The following PHF14 variants were observed in gnomAD, a reference collection of about 807,000 sequenced individuals.
PHF14 encodes the protein PHD finger protein 14.
In PHF14, 55 loss-of-function variants were observed where a neutral mutation model predicts 117.9. The ratio of observed to expected loss-of-function variants is 0.47; its 90% CI spans 0.38 to 0.58. The LOEUF is 0.58. Among genes scored for constraint, PHF14 ranks in the 20% least tolerant of loss-of-function variants. PHF14 has a pLI of 0.00. For missense variants in PHF14, 978 were observed against 1,122.2 expected (o/e 0.87, Z 1.84); for synonymous variants, 409 against 368.6 (o/e 1.11, Z -1.26).
At chr7:11,121,891 G>A (rs938389660) in intron 17 of PHF14, among the ~76,000 whole-genome samples, 40 of 151,668 alleles carry the variant, frequency 2.6e-4, no homozygotes, top group African/African-American at 9.5e-4. Context: ...TACGTGTCCA[G>A]AACGTACAGG....
At chr7:11,052,349 A>G (rs554954721) in intron 14 of PHF14, among the ~76,000 whole-genome samples, 3 of 152,178 alleles carry the variant, frequency 2.0e-5, no homozygotes, top group African/African-American at 7.2e-5. Context: ...ATAGTTTTCT[A>G]TGGAAAGAAT....
intron 4 of PHF14, among the ~76,000 whole-genome samples, chr7:11,012,087 C>G (rs144188552): frequency 7.3e-4 from 111 of 152,292 alleles, no homozygotes; most frequent in Middle Eastern, 3.4e-3. Flanking sequence ...CCGGCAGCCT[C>G]ATCAATGCTG....
At chr7:10,978,016 C>T (rs759611857) in intron 2 of PHF14, among the ~76,000 whole-genome samples, 17 of 152,204 alleles carry the variant, frequency 1.1e-4, no homozygotes, top group Admixed American at 2.0e-4. Context: ...TAGCCATGCT[C>T]TCTACCCCTA....
chr7:11,062,032 A>G lies in PHF14; in HGVS notation c.2601A>G (p.Leu867=), dbSNP rs1252673020. Residue 867 remains leucine, a synonymous_variant, in exon 16 of 18, where the codon TTA becomes TTG. Coordinates refer to ENST00000634607, the MANE Select transcript of PHF14 (RefSeq NM_001007157.2). ...VLQKKPKAED[L]RTECATCKGT... ...AAAAGAAGCCCAAGGCTGAAGATTT[A>G]AGAACTGAATGTGCAACTTGCAAGG... is the stretch of plus-strand genomic sequence containing the variant. The G allele has an allele frequency of 6.2e-7, 1 of 1,607,452 alleles. No homozygotes were observed.
chr7:11,051,818 T>C (rs1583414368), intron 14 of PHF14, 38 bp downstream of exon 14: 1 of 1,561,990 alleles, frequency 6.4e-7, no homozygotes, highest in South Asian at 1.2e-5. Flanking sequence ...ATCATACAAT[T>C]CTGAGGCCAA....
intron 16 of PHF14, among the ~76,000 whole-genome samples, chr7:11,077,931 C>T (rs1193374835): frequency 1.3e-5 from 2 of 152,180 alleles, no homozygotes; most frequent in African/African-American, 2.4e-5. Context: ...TTGCTTCTCT[C>T]TTCAGCGTGC....
intron 4 of PHF14, among the ~76,000 whole-genome samples, chr7:11,002,824 C>T (rs936318116): frequency 6.6e-6 from 1 of 152,158 alleles, no homozygotes; most frequent in Admixed American, 6.5e-5. Context: ...ATGCTGATGA[C>T]AAAAATTAAC....
Position 11,104,655 on chromosome 7 carries a change from T to G in PHF14, c.2655-6695T>G, listed in dbSNP as rs1043893868. 1.4e-5 allele frequency: 14 copies of G among 976,080 alleles called. No individual in the cohort carries two copies. The African/African-American group carries it at 2.5e-4, about 17-fold the overall frequency. 60.5% of individuals were successfully genotyped at this position (976,080 alleles called of 1,614,324 possible). A position where few individuals can be genotyped will look rare whatever the true frequency, so the allele number is the denominator to read the frequency against. The stretch of plus-strand genomic sequence containing the variant: ...GGAAGAATGACATAATAGCAAGTAG[T>G]GGTTCTCAAACGTTGTGCATTGGAA... On this transcript the variant is annotated intron_variant, in intron 16 of 17. Transcript: ENST00000634607.
chr7:11,151,550 C>T (rs2128354143), intron 17 of PHF14, among the ~76,000 whole-genome samples: 1 of 152,234 alleles, frequency 6.6e-6, no homozygotes, highest in East Asian at 1.9e-4. Flanking sequence ...CAGCAAGACC[C>T]TATCTCAAAA....
intron 7 of PHF14, among the ~76,000 whole-genome samples, chr7:11,033,279 C>T (rs548092367): frequency 9.2e-5 from 14 of 152,278 alleles, no homozygotes; most frequent in African/African-American, 2.6e-4. Flanking sequence ...CAATTCCAGG[C>T]GGATTGGATA....
chr7:11,159,490 A>G (rs1788962511), intron 17 of PHF14, among the ~76,000 whole-genome samples: 1 of 152,140 alleles, frequency 6.6e-6, no homozygotes, highest in Non-Finnish European at 1.5e-5. Flanking sequence ...AGAGAAAAAT[A>G]TATATTTAAT....
At chr7:11,011,440 C>T (rs1033145876) in intron 4 of PHF14, among the ~76,000 whole-genome samples, 5 of 152,138 alleles carry the variant, frequency 3.3e-5, no homozygotes, top group African/African-American at 1.2e-4. Context: ...AGGAGACGAT[C>T]ATGTTAAATG....
intron 17 of PHF14, among the ~76,000 whole-genome samples, chr7:11,115,306 CT>C: frequency 6.6e-6 from 1 of 152,002 alleles, no homozygotes; most frequent in Non-Finnish European, 1.5e-5. Flanking sequence ...ATTCTGCTTA[CT>C]AGAGCCCTCT....
intron 13 of PHF14, among the ~76,000 whole-genome samples, chr7:11,045,648 A>G (rs116118160): frequency 0.013 from 1,995 of 152,314 alleles, 45 homozygotes; most frequent in African/African-American, 0.046. Context: ...AGTCCATCCC[A>G]GAGTTCTGTG....
At chr7:11,135,930 T>C (rs1308591487) in intron 17 of PHF14, among the ~76,000 whole-genome samples, 1 of 152,196 alleles carries the variant, frequency 6.6e-6, no homozygotes, top group East Asian at 1.9e-4. Flanking sequence ...TAAAGGATGA[T>C]GTATGAAAAC....
intron 14 of PHF14, 129 bp downstream of exon 14, chr7:11,051,909 A>C (rs1046894584): frequency 1.4e-6 from 1 of 719,586 alleles, no homozygotes; most frequent in African/African-American, 1.8e-5. Context: ...TATTCTTAAC[A>C]ATTTTTTTTC....
intron 16 of PHF14, among the ~76,000 whole-genome samples, chr7:11,074,796 A>T (rs1040818410): frequency 2.6e-5 from 4 of 152,146 alleles, no homozygotes; most frequent in African/African-American, 9.7e-5. Flanking sequence ...AATTGCTATC[A>T]GCATTCGGCC....
chr7:11,135,597 A>G (rs978992473), intron 17 of PHF14, among the ~76,000 whole-genome samples: 2 of 152,102 alleles, frequency 1.3e-5, no homozygotes, highest in African/African-American at 4.8e-5. Context: ...CAGTAAAGAA[A>G]TGTTCTTTTT....
intron 16 of PHF14, among the ~76,000 whole-genome samples, chr7:11,082,011 C>G (rs1376268029): frequency 2.0e-5 from 3 of 152,012 alleles, no homozygotes; most frequent in Admixed American, 6.6e-5. Context: ...ACGTAGAATT[C>G]TAACAGAAGA....
Sources: gnomAD v4.1 joint callset for allele counts (sites outside exome capture counted in the v4.1 genomes callset) on GRCh38, gnomAD v4.1.1 for gene constraint, MANE v1.5 for transcripts, NCBI Gene and HGNC (gene_info 2026-07-23, HGNC 2026-07-21) for gene names.